The following ACSM3 variants were observed in gnomAD, a reference collection of about 807,000 sequenced individuals.
ACSM3 encodes the protein acyl-CoA synthetase medium chain family member 3.
Under a neutral mutation model 74.1 loss-of-function variants are expected in ACSM3, and 61 were observed. The ratio of observed to expected loss-of-function variants is 0.82; its 90% CI spans 0.67 to 1.02. The LOEUF (loss-of-function observed/expected upper bound fraction) is 1.02, where lower values mean the gene tolerates loss of function less well. Among genes scored for constraint, ACSM3 ranks in the 50% least tolerant of loss-of-function variants. The probability of loss-of-function intolerance (pLI) is 0.00; values close to 1 mark genes in which losing one functional copy is unlikely to be tolerated. For missense variants in ACSM3, 660 were observed against 697.0 expected, an observed-to-expected ratio of 0.95 and a Z score of 0.60; for synonymous variants, 213 against 241.5, an observed-to-expected ratio of 0.88 and a Z score of 1.09.
At chr16:20,692,353 G>T (rs1364162747) in intron 1 of ACSM3, among the ~76,000 whole-genome samples, 2 of 152,158 alleles carry the variant, frequency 1.3e-5, no homozygotes, top group African/African-American at 2.4e-5. Flanking sequence ...GGTTCAGAAA[G>T]GTGGGAAAAC....
chr16:20,685,251 G>A (rs1038233153), intron 1 of ACSM3: 4 of 1,614,178 alleles, frequency 2.5e-6, no homozygotes, highest in Admixed American at 1.7e-5. Flanking sequence ...GCAGCATCAA[G>A]GCCAGATGGT....
chr16:20,767,117 A>G (rs1206310819), intron 1 of ACSM3, among the ~76,000 whole-genome samples: 3 of 152,112 alleles, frequency 2.0e-5, no homozygotes, highest in African/African-American at 7.2e-5. Context: ...AAACAGAGAG[A>G]GACAAGTAGT....
intron 1 of ACSM3, among the ~76,000 whole-genome samples, chr16:20,706,523 G>A (rs755928929): frequency 2.8e-4 from 43 of 152,334 alleles, no homozygotes; most frequent in Non-Finnish European, 4.3e-4. Flanking sequence ...TTAGGCAGGA[G>A]TTGTAAAACC....
At chr16:20,685,503 G>C (rs894412902) in intron 1 of ACSM3, 4 of 1,107,042 alleles carry the variant, frequency 3.6e-6, no homozygotes, top group South Asian at 1.3e-5. Context: ...TGTGAACACA[G>C]CTTAAGGACT....
At chr16:20,786,864 T>G (rs2080484857) in intron 9 of ACSM3, among the ~76,000 whole-genome samples, 1 of 152,238 alleles carries the variant, frequency 6.6e-6, no homozygotes, top group Admixed American at 6.5e-5. Context: ...ATCTGCACTC[T>G]TAACCACAAC....
intron 1 of ACSM3, chr16:20,738,973 T>C: frequency 3.7e-6 from 6 of 1,614,270 alleles, no homozygotes; most frequent in South Asian, 2.2e-5. Context: ...ACCTCATCTC[T>C]GTAGATGCCT....
chr16:20,780,555 A>G lies in ACSM3; in HGVS notation c.639-159A>G, dbSNP rs758473133. ...GATTCTAGAAAGCACCTAAAAGGAT[A>G]GAGAAAGTGATGGCTTTTACCCTGT... is the stretch of plus-strand genomic sequence containing the variant. On this transcript the variant is annotated intron_variant, in intron 4 of 13. Transcript: ENST00000289416. 20 of 1,482,074 alleles carry G rather than the reference A, an allele frequency of 1.3e-5. No individual in the cohort carries two copies. In the South Asian group the frequency reaches 1.5e-4, roughly 11 times the overall value. The allele number at this position is 1,482,074 out of a possible 1,614,324, so 91.8% of individuals were successfully genotyped here.
At chr16:20,779,433 A>T (rs1170614396) in intron 4 of ACSM3, among the ~76,000 whole-genome samples, 2 of 151,662 alleles carry the variant, frequency 1.3e-5, no homozygotes, top group Non-Finnish European at 1.5e-5. Context: ...CTCAAAAAAA[A>T]AAAAAAGAAA....
At position 20,796,490 on chromosome 16, in the gene ACSM3, G is replaced by T. The variant is rs914937693; in HGVS notation, c.1674+1G>T. 1 of 1,611,058 alleles carries T rather than the reference G, an allele frequency of 6.2e-7. No individual in the cohort carries two copies. The highest frequency in any genetic ancestry group is 1.7e-5 in the Admixed American group (1 of 59,186). ...AGCACCTTACAAATATCCCAGAAAG[G>T]TAGGCATCCTAATTATAACGAATAT... On this transcript the variant is annotated splice_donor_variant, in intron 13 of 13. Transcript: ENST00000289416. LOFTEE classifies it high-confidence loss of function.
In ACSM3 at chr16:20,775,868, C is replaced by T; in HGVS notation, c.249C>T (p.Phe83=). Residue 83 remains phenylalanine, a synonymous_variant, in exon 3 of 14, where the codon TTC becomes TTT. Coordinates refer to ENST00000289416, the MANE Select transcript of ACSM3 (RefSeq NM_005622.4). ...KAGKKPSNPA[F]WWINRNGEEM... ...GAAAGAAACCTTCAAATCCAGCCTT[C>T]TGGTGGATCAACAGAAATGGAGAAG... 1 of 1,614,152 alleles carries T rather than the reference C, an allele frequency of 6.2e-7. No homozygotes were observed. Among genetic ancestry groups the T allele is most frequent in the Non-Finnish European group, 8.5e-7 (1 of 1,180,028 alleles).
intron 1 of ACSM3, chr16:20,729,147 G>T: frequency 1.8e-6 from 1 of 569,864 alleles, no homozygotes; most frequent in Non-Finnish European, 3.2e-6. Context: ...AGTACAATTT[G>T]TAATGTACTT....
At chr16:20,732,438 T>C (rs529179498) in intron 1 of ACSM3, among the ~76,000 whole-genome samples, 147 of 152,306 alleles carry the variant, frequency 9.7e-4, no homozygotes, top group Admixed American at 1.4e-3. Context: ...GTAGTCGTCT[T>C]ATTTTGACAG....
chr16:20,726,926 C>A (rs146110786), intron 1 of ACSM3, among the ~76,000 whole-genome samples: 1 of 152,258 alleles, frequency 6.6e-6, no homozygotes, highest in East Asian at 1.9e-4. Flanking sequence ...ACTCTCTGAG[C>A]CTCAATGTCC....
intron 6 of ACSM3, 142 bp from the exon 7 acceptor site, chr16:20,781,566 T>C: frequency 4.1e-6 from 3 of 731,068 alleles, no homozygotes; most frequent in Non-Finnish European, 7.1e-6. Context: ...CTGCAGACAC[T>C]GAGGGATGAT....
chr16:20,682,751 A>G (rs2079473341), intron 1 of ACSM3, among the ~76,000 whole-genome samples: 1 of 152,202 alleles, frequency 6.6e-6, no homozygotes, highest in Non-Finnish European at 1.5e-5. Context: ...AAATGGGTGG[A>G]CACTGCTTTA....
intron 1 of ACSM3, among the ~76,000 whole-genome samples, chr16:20,705,296 C>T (rs529599921): frequency 8.6e-5 from 13 of 150,700 alleles, no homozygotes; most frequent in Non-Finnish European, 1.5e-4. Context: ...TGGTGTAAAC[C>T]CGGGAGGTGG....
chr16:20,792,694 C>T, intron 12 of ACSM3: 1 of 985,360 alleles, frequency 1.0e-6, no homozygotes. Context: ...GTCTGGAAAC[C>T]AACGAGGTCC....
At chr16:20,741,799 T>A in intron 1 of ACSM3, 2 of 1,546,602 alleles carry the variant, frequency 1.3e-6, no homozygotes, top group Non-Finnish European at 1.7e-6. Flanking sequence ...CGTCCTCGTC[T>A]ATCGCCGGCG....
At chr16:20,741,914 G>T in intron 1 of ACSM3, 1 of 1,534,418 alleles carries the variant, frequency 6.5e-7, no homozygotes, top group Non-Finnish European at 8.7e-7. Context: ...CGTGAAAGGG[G>T]TGGAGTGATA....
Sources: gnomAD v4.1 joint callset for allele counts (sites outside exome capture counted in the v4.1 genomes callset) on GRCh38, gnomAD v4.1.1 for gene constraint, MANE v1.5 for transcripts, NCBI Gene and HGNC (gene_info 2026-07-23, HGNC 2026-07-21) for gene names.